ABLIM1: variants seen among roughly 807,000 people sequenced by gnomAD.
The protein encoded by ABLIM1 is actin binding LIM protein 1.
Under a neutral mutation model 107.0 loss-of-function variants are expected in ABLIM1, and 40 were observed. The observed-to-expected ratio is 0.37, with a 90% CI of 0.29 to 0.49. ABLIM1 has a LOEUF of 0.49. ABLIM1 is among the 20% of genes least tolerant of loss of function. ABLIM1 has a pLI of 0.97. For missense variants in ABLIM1, 857 were observed against 1,008.5 expected, an observed-to-expected ratio of 0.85 and a Z score of 2.04; for synonymous variants, 357 against 357.3, an observed-to-expected ratio of 1.00 and a Z score of 0.01.
chr10:114,637,273 T>C (rs547027467), intron 1 of ABLIM1, among the ~76,000 whole-genome samples: 2 of 152,272 alleles, frequency 1.3e-5, no homozygotes, highest in African/African-American at 2.4e-5. Context: ...CTATATACCA[T>C]GCCATCAGAT....
In ABLIM1 at chr10:114,644,318, T is replaced by TAC. The variant is rs1422373003; in HGVS notation, c.244+13638_244+13639insGT. 2.9e-4 allele frequency among the ~76,000 whole-genome samples: 34 copies of TAC among 116,866 alleles called. No homozygotes were observed. The East Asian group carries it at 7.5e-3, about 26-fold the overall frequency. 76.7% of individuals were successfully genotyped at this position (116,866 alleles called of 152,430 possible). ...AAAAAAAAAAAAAAATATATATATA[T>TAC]ATATATATATATGTGTATATATTGT... On this transcript the variant is annotated intron_variant, in intron 1 of 22. Coordinates refer to ENST00000533213, the MANE Select transcript of ABLIM1 (RefSeq NM_002313.7).
intron 3 of ABLIM1, 113 bp from the exon 4 acceptor site, chr10:114,571,519 C>G (rs1262979365): frequency 9.8e-7 from 1 of 1,016,256 alleles, no homozygotes; most frequent in Non-Finnish European, 1.5e-6. Flanking sequence ...GAAGCAGCAG[C>G]CAACATGTCT....
chr10:114,600,741 C>T (rs1464653034), intron 2 of ABLIM1, among the ~76,000 whole-genome samples: 2 of 152,076 alleles, frequency 1.3e-5, no homozygotes, highest in Non-Finnish European at 1.5e-5. Context: ...CACTCTGAGT[C>T]TCGCCTCCCT....
chr10:114,755,473 C>T (rs531789516), intron 1 of ABLIM1, among the ~76,000 whole-genome samples: 5 of 152,276 alleles, frequency 3.3e-5, no homozygotes, highest in African/African-American at 7.2e-5. Flanking sequence ...CTCTCTGAGG[C>T]GGGGACTATA....
At chr10:114,634,123 A>ATTTTTTTTTTT (rs1209219359) in intron 1 of ABLIM1, among the ~76,000 whole-genome samples, 17 of 68,208 alleles carry the variant, frequency 2.5e-4, no homozygotes, top group African/African-American at 8.8e-4. Context: ...CATTAGCTCA[A>ATTTTTTTTTTT]TTTTTCTTTT....
At chr10:114,552,877 C>T (rs1433308315) in intron 4 of ABLIM1, among the ~76,000 whole-genome samples, 4 of 152,154 alleles carry the variant, frequency 2.6e-5, no homozygotes, top group Non-Finnish European at 5.9e-5. Flanking sequence ...CAATAGACTC[C>T]CTTTTTCCTT....
chr10:114,680,790 A>G (rs2080713676), intron 1 of ABLIM1, among the ~76,000 whole-genome samples: 1 of 152,232 alleles, frequency 6.6e-6, no homozygotes, highest in Non-Finnish European at 1.5e-5. Flanking sequence ...CATGTTGGTT[A>G]GTTGCCCATA....
At chr10:114,765,793 G>A (rs1221363894) in intron 1 of ABLIM1, among the ~76,000 whole-genome samples, 2 of 151,952 alleles carry the variant, frequency 1.3e-5, no homozygotes, top group African/African-American at 4.8e-5. Flanking sequence ...TCTCAACACT[G>A]AAATAGGAAG....
chr10:114,606,866 T>TG (rs2076451486), intron 1 of ABLIM1, among the ~76,000 whole-genome samples: 1 of 152,210 alleles, frequency 6.6e-6, no homozygotes, highest in African/African-American at 2.4e-5. Flanking sequence ...CCTAGTGCAG[T>TG]GACTTCTAAT....
chr10:114,519,844 C>T (rs1010614195), intron 6 of ABLIM1, among the ~76,000 whole-genome samples: 3 of 152,216 alleles, frequency 2.0e-5, no homozygotes, highest in Non-Finnish European at 2.9e-5. Context: ...TGGGTACTAC[C>T]TCCCTGCTTA....
intron 2 of ABLIM1, among the ~76,000 whole-genome samples, chr10:114,586,960 G>A (rs1243708638): frequency 6.6e-6 from 1 of 152,156 alleles, no homozygotes; most frequent in Non-Finnish European, 1.5e-5. Flanking sequence ...CCCTTAATCT[G>A]TATCTTCAAC....
At chr10:114,730,741 A>C (rs1286193285) in intron 1 of ABLIM1, among the ~76,000 whole-genome samples, 4 of 152,284 alleles carry the variant, frequency 2.6e-5, no homozygotes, top group Admixed American at 2.6e-4. Context: ...GCAGTTGTGC[A>C]ACCATCACTA....
intron 1 of ABLIM1, among the ~76,000 whole-genome samples, chr10:114,608,642 C>A (rs1264718305): frequency 6.6e-6 from 1 of 151,780 alleles, no homozygotes; most frequent in Non-Finnish European, 1.5e-5. Flanking sequence ...GCACTCCATC[C>A]TGGGCAACAA....
chr10:114,582,031 G>GA (rs2073441385), intron 2 of ABLIM1, among the ~76,000 whole-genome samples: 1 of 152,044 alleles, frequency 6.6e-6, no homozygotes, highest in South Asian at 2.1e-4. Flanking sequence ...TTAGGCAAGA[G>GA]AAAGAAAGAA....
intron 12 of ABLIM1, among the ~76,000 whole-genome samples, chr10:114,465,172 T>C (rs1033079457): frequency 2.0e-5 from 3 of 152,210 alleles, no homozygotes; most frequent in Non-Finnish European, 2.9e-5. Context: ...GATTTTATGT[T>C]TCCTAAGAAT....
intron 17 of ABLIM1, among the ~76,000 whole-genome samples, chr10:114,442,683 C>T (rs1348866025): frequency 2.6e-5 from 4 of 152,110 alleles, no homozygotes; most frequent in Non-Finnish European, 5.9e-5. Context: ...TGGCGTATCA[C>T]GCTGGGTATG....
upstream of ABLIM1, among the ~76,000 whole-genome samples, chr10:114,770,958 G>A (rs1454797280): frequency 6.6e-6 from 1 of 152,142 alleles, no homozygotes. Flanking sequence ...AGCCTCCTGA[G>A]TAGCTGGGAT....
intron 8 of ABLIM1, among the ~76,000 whole-genome samples, chr10:114,474,781 T>C (rs1453310745): frequency 6.6e-6 from 1 of 152,222 alleles, no homozygotes; most frequent in Non-Finnish European, 1.5e-5. Flanking sequence ...CACCTTGAAT[T>C]GTAATAATCC....
chr10:114,648,059 T>C (rs1375220209), intron 1 of ABLIM1, among the ~76,000 whole-genome samples: 2 of 152,216 alleles, frequency 1.3e-5, no homozygotes, highest in Non-Finnish European at 2.9e-5. Context: ...TTTAATTTAA[T>C]TTGAAATTGT....
Sources: allele counts gnomAD v4.1 joint callset (sites outside exome capture counted in the v4.1 genomes callset), GRCh38; gene constraint gnomAD v4.1.1; transcripts MANE v1.5; gene names NCBI Gene and HGNC (gene_info 2026-07-23, HGNC 2026-07-21).